DACH1: variants seen among roughly 807,000 people sequenced by gnomAD.
DACH1 encodes the protein dachshund family transcription factor 1, also known as dachshund homolog 1.
A neutral mutation model predicts 54.2 loss-of-function variants in DACH1; 12 were observed. The ratio of observed to expected loss-of-function variants is 0.22; its 90% CI spans 0.14 to 0.36. DACH1 has a LOEUF of 0.36. Ranked by LOEUF, DACH1 falls within the 10% of genes least tolerant of loss-of-function variation. DACH1 has a pLI of 1.00. For missense variants in DACH1, 805 were observed against 929.8 expected, an observed-to-expected ratio of 0.87 and a Z score of 1.75; for synonymous variants, 386 against 366.2, an observed-to-expected ratio of 1.05 and a Z score of -0.62.
chr13:71,460,608 G>A (rs575257443), intron 10 of DACH1, among the ~76,000 whole-genome samples: 16 of 152,104 alleles, frequency 1.1e-4, no homozygotes, highest in Admixed American at 9.9e-4. Context: ...AGAGGTTTCT[G>A]TCTAGTTTGA....
intron 5 of DACH1, 64 bp downstream of exon 5, chr13:71,559,756 T>C (rs528848960): frequency 2.9e-5 from 46 of 1,603,316 alleles, no homozygotes; most frequent in Non-Finnish European, 3.8e-5. Flanking sequence ...GGCATGTTGA[T>C]TAGAAAATCC....
intron 3 of DACH1, among the ~76,000 whole-genome samples, chr13:71,604,033 G>A (rs536326344): frequency 6.6e-6 from 1 of 151,700 alleles, no homozygotes; most frequent in African/African-American, 2.4e-5. Context: ...CATTGTGGGG[G>A]GCTTGATGGG....
At chr13:71,563,071 T>C (rs1884689106) in intron 4 of DACH1, among the ~76,000 whole-genome samples, 1 of 152,058 alleles carries the variant, frequency 6.6e-6, no homozygotes, top group African/African-American at 2.4e-5. Flanking sequence ...AATAGAAGCA[T>C]AGTTTGTCTA....
chr13:71,539,188 C>G (rs1380060763), intron 6 of DACH1, among the ~76,000 whole-genome samples: 2 of 151,880 alleles, frequency 1.3e-5, no homozygotes, highest in South Asian at 2.1e-4. Context: ...ACTCTCACAC[C>G]GGGTCTAGCT....
intron 6 of DACH1, among the ~76,000 whole-genome samples, chr13:71,554,722 G>A (rs1259578068): frequency 6.6e-6 from 1 of 152,108 alleles, no homozygotes; most frequent in Non-Finnish European, 1.5e-5. Context: ...GTACATTCTA[G>A]TAGTGGAAGG....
At chr13:71,713,102 TC>T (rs1882803589) in intron 1 of DACH1, among the ~76,000 whole-genome samples, 1 of 150,482 alleles carries the variant, frequency 6.6e-6, no homozygotes, top group African/African-American at 2.5e-5. Context: ...TTTTTTTTTT[TC>T]CTTTCTGTTT....
chr13:71,852,866 G>A (rs562923917), intron 1 of DACH1, among the ~76,000 whole-genome samples: 1 of 152,260 alleles, frequency 6.6e-6, no homozygotes, highest in African/African-American at 2.4e-5. Flanking sequence ...CCTTGGACAT[G>A]CTTGTATTCA....
chr13:71,790,238 A>T (rs1026206727), intron 1 of DACH1, among the ~76,000 whole-genome samples: 1 of 152,186 alleles, frequency 6.6e-6, no homozygotes, highest in Non-Finnish European at 1.5e-5. Context: ...GCAAAAGAAA[A>T]ACAAACGAAT....
chr13:71,816,423 T>TA (rs1887923327), intron 1 of DACH1, among the ~76,000 whole-genome samples: 1 of 151,752 alleles, frequency 6.6e-6, no homozygotes, highest in South Asian at 2.1e-4. Context: ...GGAATATATA[T>TA]AAATCATCCT....
At chr13:71,478,808 T>C (rs1877792152) in intron 8 of DACH1, among the ~76,000 whole-genome samples, 2 of 152,222 alleles carry the variant, frequency 1.3e-5, no homozygotes, top group Admixed American at 1.3e-4. Context: ...TTTAGCTTTA[T>C]GAGTTTAACT....
intron 1 of DACH1, among the ~76,000 whole-genome samples, chr13:71,758,424 G>A (rs939699874): frequency 1.3e-4 from 20 of 152,266 alleles, no homozygotes; most frequent in Admixed American, 1.3e-3. Context: ...TTTATTCAAA[G>A]TAAATAAATG....
At chr13:71,805,921 C>A (rs1361648386) in intron 1 of DACH1, among the ~76,000 whole-genome samples, 1 of 152,090 alleles carries the variant, frequency 6.6e-6, no homozygotes, top group Non-Finnish European at 1.5e-5. Context: ...GATTCTCCTG[C>A]CTCAGCCTCC....
intron 3 of DACH1, among the ~76,000 whole-genome samples, chr13:71,615,554 T>C (rs1875696248): frequency 1.3e-5 from 2 of 152,176 alleles, no homozygotes; most frequent in African/African-American, 2.4e-5. Context: ...ACTTTCCTCT[T>C]CCTGTGTGCC....
At chr13:71,492,411 GAA>G (rs2138210822) in intron 6 of DACH1, among the ~76,000 whole-genome samples, 1 of 152,232 alleles carries the variant, frequency 6.6e-6, no homozygotes, top group South Asian at 2.1e-4. Context: ...AAGACACAGA[GAA>G]GAGAAAAGGC....
chr13:71,858,634 A>G (rs1874156917), intron 1 of DACH1, among the ~76,000 whole-genome samples: 1 of 151,634 alleles, frequency 6.6e-6, no homozygotes, highest in Non-Finnish European at 1.5e-5. Context: ...CTTCCTATCT[A>G]ACTGAAATTT....
intron 10 of DACH1, among the ~76,000 whole-genome samples, chr13:71,446,603 A>G (rs1874489086): frequency 2.6e-5 from 4 of 152,196 alleles, no homozygotes; most frequent in Admixed American, 2.6e-4. Context: ...TGTGAATTCA[A>G]ATTTCATGGC....
At chr13:71,520,484 T>C (rs938584869) in intron 6 of DACH1, among the ~76,000 whole-genome samples, 23 of 150,258 alleles carry the variant, frequency 1.5e-4, no homozygotes, top group Admixed American at 1.4e-3. Flanking sequence ...GAGATAATCA[T>C]ATGTAAGTTT....
At chr13:71,481,943 A>C (rs576348285) in intron 7 of DACH1, among the ~76,000 whole-genome samples, 1 of 152,358 alleles carries the variant, frequency 6.6e-6, no homozygotes, top group African/African-American at 2.4e-5. Context: ...TGGACATGCA[A>C]TATCCAGAAA....
At chr13:71,806,055 C>G (rs1887487432) in intron 1 of DACH1, among the ~76,000 whole-genome samples, 1 of 152,162 alleles carries the variant, frequency 6.6e-6, no homozygotes. Context: ...GATCCGCCCA[C>G]CTCAGTCTCC....
Sources: allele counts gnomAD v4.1 joint callset (sites outside exome capture counted in the v4.1 genomes callset), GRCh38; gene constraint gnomAD v4.1.1; transcripts MANE v1.5; gene names NCBI Gene and HGNC (gene_info 2026-07-23, HGNC 2026-07-21).